Variants in PCDHB5 observed in about 807,000 individuals in gnomAD.
PCDHB5 encodes protocadherin beta-5.
For synonymous variants in PCDHB5, 569 were observed against 462.2 expected (o/e 1.23, Z -2.96); for missense variants, 1,125 against 1,029.4 (o/e 1.09, Z -1.27).
chr5:141,136,466 T>C lies in PCDHB5; in HGVS notation c.1032T>C (p.Pro344=), dbSNP rs141711525. 6.2e-5 allele frequency: 100 copies of C among 1,613,904 alleles called. No individual in the cohort carries two copies. In the African/African-American group the frequency reaches 1.1e-3, roughly 17 times the overall value. ...TGGTGGATGTGAATGACAACGCCCC[T>C]GAACTCACCATGTCTACGCTCTCCA... The part of the protein sequence containing the change: ...IEVVDVNDNA[P]ELTMSTLSSP... The change falls in exon 1 of 1, where the codon CCT becomes CCC. Residue 344 remains proline, a synonymous_variant. Coordinates refer to ENST00000231134, the MANE Select transcript of PCDHB5 (RefSeq NM_015669.5).
chr5:141,135,948 A>T lies in PCDHB5; in HGVS notation c.514A>T (p.Ile172Phe). 6.2e-7 allele frequency: 1 copy of T among 1,614,186 alleles called. No homozygotes were observed. The highest frequency in any genetic ancestry group is 1.3e-5 in the African/African-American group (1 of 75,042). ...IGSNTVQNYT[I>F]SPNSHFHVAT... ...TAGCAACACTGTTCAGAACTACACA[A>T]TCAGCCCAAATTCACACTTTCATGT... Residue 172 changes from isoleucine (I) to phenylalanine (F), a missense_variant, in exon 1 of 1, where the codon ATC becomes TTC. Transcript: ENST00000231134.
chr5:141,136,185 G>C lies in PCDHB5; in HGVS notation c.751G>C (p.Val251Leu). The C allele has an allele frequency of 6.2e-7, 1 of 1,614,082 alleles. No individual in the cohort carries two copies. Among genetic ancestry groups the C allele is most frequent in the Non-Finnish European group, 8.5e-7 (1 of 1,180,010 alleles). ...TTTACAATCATTCTATGAGGTACAG[G>C]TGCCCGAGAACAGCCCCCTTAACTC... ...EFLQSFYEVQ[V>L]PENSPLNSLV... The change falls in exon 1 of 1, where the codon GTG becomes CTG. Residue 251 changes from valine (V) to leucine (L), a missense_variant. Coordinates refer to ENST00000231134, the MANE Select transcript of PCDHB5 (RefSeq NM_015669.5).
Position 141,135,773 on chromosome 5 carries a change from A to G in PCDHB5, c.339A>G (p.Pro113=). ...ATTTCCAGCTCTTACTAGAAAATCC[A>G]GTGCAGTTTTTTCAAACTGATCTGC... is the stretch of plus-strand genomic sequence containing the variant. ...ILHFQLLLEN[P]VQFFQTDLQL... Residue 113 remains proline (P), a synonymous_variant, in exon 1 of 1, where the codon CCA becomes CCG. Coordinates refer to ENST00000231134, the MANE Select transcript of PCDHB5 (RefSeq NM_015669.5). The G allele has an allele frequency of 6.2e-7, 1 of 1,614,054 alleles. No individual in the cohort carries two copies. Among genetic ancestry groups the G allele is most frequent in the East Asian group, 2.2e-5 (1 of 44,878 alleles).
rs544264672 is a variant in PCDHB5 at position 141,138,058 on chromosome 5, T to A, written c.*236T>A. 487 of 462,438 alleles carry A rather than the reference T, an allele frequency of 1.1e-3. 3 individuals carry two copies. Among genetic ancestry groups the A allele is most frequent in the African/African-American group, 9.0e-3 (447 of 49,918 alleles). 28.6% of individuals were successfully genotyped at this position (462,438 alleles called of 1,614,324 possible). ...TGCATGCTGTTGATTTTCCTGAGAT[T>A]TTTTTCTCTTCTTGTTGGTATTTGT... is the stretch of plus-strand genomic sequence containing the variant. On this transcript the variant is annotated 3_prime_UTR_variant, in exon 1 of 1. Transcript: ENST00000231134.
chr5:141,135,322 C>T lies in PCDHB5; in HGVS notation c.-113C>T, dbSNP rs1752542107. On this transcript the variant is annotated 5_prime_UTR_variant, in exon 1 of 1. Coordinates refer to ENST00000231134, the MANE Select transcript of PCDHB5 (RefSeq NM_015669.5). ...CTAGTGGCTAGATCTTCAGGGTGGGCTTCGTTCTTGTGGAAATCAGTCAAG... is the reference window on the plus strand; with the variant it reads ...CTAGTGGCTAGATCTTCAGGGTGGGTTTCGTTCTTGTGGAAATCAGTCAAG... 1 of 757,978 alleles carries T rather than the reference C, an allele frequency of 1.3e-6. No individual in the cohort carries two copies. Among genetic ancestry groups the T allele is most frequent in the Non-Finnish European group, 2.2e-6 (1 of 464,960 alleles). The allele number at this position is 757,978 out of a possible 1,614,324, so 47.0% of individuals were successfully genotyped here.
Position 141,136,016 on chromosome 5 carries a change from G to A in PCDHB5, c.582G>A (p.Leu194=). 1 of 1,614,154 alleles carries A rather than the reference G, an allele frequency of 6.2e-7. No individual in the cohort carries two copies. The change falls in exon 1 of 1, where the codon CTG becomes CTA. Residue 194 remains leucine (L), a synonymous_variant. Transcript: ENST00000231134. The stretch of plus-strand genomic sequence containing the variant: ...GAGATGGCAGAAAATACCCAGAGCT[G>A]GTGCTGGACAAAGCGCTGGACCGGG... The part of the protein sequence containing the change: ...NRGDGRKYPE[L]VLDKALDREE...
rs1554275943 is a variant in PCDHB5 at position 141,136,588 on chromosome 5, A to G, written c.1154A>G (p.Gln385Arg). Residue 385 changes from glutamine (Q) to arginine (R), a missense_variant, in exon 1 of 1, where the codon CAG becomes CGG. Transcript: ENST00000231134. ...GDNGRMICSI[Q>R]NDLPFLLKPT... ...AACGGTAGGATGATTTGCTCCATCC[A>G]GAATGATCTCCCCTTTCTTTTGAAG... 2 of 1,614,058 alleles carry G rather than the reference A, an allele frequency of 1.2e-6. No individual in the cohort carries two copies. Among genetic ancestry groups the G allele is most frequent in the African/African-American group, 1.3e-5 (1 of 74,926 alleles).
Position 141,135,707 on chromosome 5 carries a change from C to G in PCDHB5, c.273C>G (p.Asp91Glu). Reference sequence around the variant, plus strand: ...ATTTGCTTCTATATGAAAAACTAGACCGGGAGGTGATGTGCGGGGCGACAG... The same window carrying G: ...ATTTGCTTCTATATGAAAAACTAGAGCGGGAGGTGATGTGCGGGGCGACAG... ...TGNLLLYEKL[D>E]REVMCGATEP... The change falls in exon 1 of 1, where the codon GAC (aspartate) becomes GAG (glutamate). Residue 91 changes from aspartate (D) to glutamate (E), a missense_variant. Physicochemically the swap from Asp to Glu is conservative, Grantham distance 45 (BLOSUM62 2). Transcript: ENST00000231134. 1 of 1,614,062 alleles carries G rather than the reference C, an allele frequency of 6.2e-7. No homozygotes were observed. The highest frequency in any genetic ancestry group is 1.1e-5 in the South Asian group (1 of 91,062).
Position 141,136,668 on chromosome 5 carries a change from A to G in PCDHB5, c.1234A>G (p.Ser412Gly). The change falls in exon 1 of 1, where the codon AGC becomes GGC. Residue 412 changes from serine to glycine, a missense_variant. Transcript: ENST00000231134. ...GACACAGAGAACACTGGACAGAGAG[A>G]GCCAAGCCGAGTACAACATCACCAT... ...LVTQRTLDRE[S>G]QAEYNITITV... The G allele has an allele frequency of 1.2e-6, 2 of 1,614,132 alleles. No homozygotes were observed. Among genetic ancestry groups the G allele is most frequent in the East Asian group, 4.5e-5 (2 of 44,884 alleles).
Position 141,135,738 on chromosome 5 carries a change from T to C in PCDHB5, c.304T>C (p.Cys102Arg), listed in dbSNP as rs1752554536. ...REVMCGATEP[C>R]ILHFQLLLEN... ...GGTGATGTGCGGGGCGACAGAACCC[T>C]GTATATTGCATTTCCAGCTCTTACT... is the stretch of plus-strand genomic sequence containing the variant. The change falls in exon 1 of 1, where the codon TGT becomes CGT. Residue 102 changes from cysteine (C) to arginine (R), a missense_variant. By Grantham distance (180) the Cys-to-Arg change is radical. Transcript: ENST00000231134. The C allele has an allele frequency of 6.2e-7, 1 of 1,614,124 alleles. No homozygotes were observed. The highest frequency in any genetic ancestry group is 8.5e-7 in the Non-Finnish European group (1 of 1,180,000).
rs782815134 is a variant in PCDHB5 at position 141,136,174 on chromosome 5, A to G, written c.740A>G (p.Tyr247Cys). ...GCCCCCGAATTTTTACAATCATTCT[A>G]TGAGGTACAGGTGCCCGAGAACAGC... The part of the protein sequence containing the change: ...DNAPEFLQSF[Y>C]EVQVPENSPL... The change falls in exon 1 of 1, where the codon TAT becomes TGT. Residue 247 changes from tyrosine to cysteine, a missense_variant. Tyr to Cys is a radical substitution (Grantham distance 194). Coordinates refer to ENST00000231134, the MANE Select transcript of PCDHB5 (RefSeq NM_015669.5). The G allele has an allele frequency of 4.3e-6, 7 of 1,614,090 alleles. No homozygotes were observed. Among genetic ancestry groups the G allele is most frequent in the Non-Finnish European group, 2.5e-6 (3 of 1,180,010 alleles).
In PCDHB5 at chr5:141,135,379, C is replaced by A; in HGVS notation, c.-56C>A. On this transcript the variant is annotated 5_prime_UTR_variant, in exon 1 of 1. Transcript: ENST00000231134. ...CGGATTCGCGGTTATTTATGCAAAT[C>A]ATCTGGGTGGATTGTGTACGGAGTT... 1 of 1,226,568 alleles carries A rather than the reference C, an allele frequency of 8.2e-7. No individual in the cohort carries two copies. Among genetic ancestry groups the A allele is most frequent in the South Asian group, 1.5e-5 (1 of 68,444 alleles). 76.0% of individuals were successfully genotyped at this position (1,226,568 alleles called of 1,614,324 possible). A position where few individuals can be genotyped will look rare whatever the true frequency, so the allele number is the denominator to read the frequency against.
Position 141,137,164 on chromosome 5 carries a change from G to A in PCDHB5, c.1730G>A (p.Arg577Gln). ...GSAPCTELVP[R>Q]AAEPGYLVTK... The stretch of plus-strand genomic sequence containing the variant: ...GCGCCTTGCACCGAGCTGGTGCCCC[G>A]GGCGGCCGAGCCGGGCTACCTGGTG... Residue 577 changes from arginine to glutamine, a missense_variant, in exon 1 of 1, where the codon CGG becomes CAG. Transcript: ENST00000231134. The A allele has an allele frequency of 6.2e-7, 1 of 1,610,648 alleles. No individual in the cohort carries two copies. The highest frequency in any genetic ancestry group is 1.1e-5 in the South Asian group (1 of 90,958).
Position 141,137,643 on chromosome 5 carries a change from G to T in PCDHB5, c.2209G>T (p.Asp737Tyr). 1 of 1,614,094 alleles carries T rather than the reference G, an allele frequency of 6.2e-7. No individual in the cohort carries two copies. The highest frequency in any genetic ancestry group is 8.5e-7 in the Non-Finnish European group (1 of 1,180,044). Reference sequence around the variant, plus strand: ...GGGCCCCTTTCCAGGGCATCTGGTGGACGTGAGCGGCACCGGGACCCTATC... The same window carrying T: ...GGGCCCCTTTCCAGGGCATCTGGTGTACGTGAGCGGCACCGGGACCCTATC... The part of the protein sequence containing the change: ...PEGPFPGHLV[D>Y]VSGTGTLSQS... Residue 737 changes from aspartate to tyrosine, a missense_variant, in exon 1 of 1, where the codon GAC becomes TAC. Coordinates refer to ENST00000231134, the MANE Select transcript of PCDHB5 (RefSeq NM_015669.5).
chr5:141,135,565 C>A lies in PCDHB5; in HGVS notation c.131C>A (p.Ser44Tyr). 3 of 1,614,174 alleles carry A rather than the reference C, an allele frequency of 1.9e-6. No individual in the cohort carries two copies. Among genetic ancestry groups the A allele is most frequent in the Non-Finnish European group, 2.5e-6 (3 of 1,180,030 alleles). Reference sequence around the variant, plus strand: ...CCAGAAGAAACAGAAAGTGGCTATTCTGTGGCCAACCTGGCAAAAGACCTG... The same window carrying A: ...CCAGAAGAAACAGAAAGTGGCTATTATGTGGCCAACCTGGCAAAAGACCTG... Reference protein sequence around the residue: ...SIPEETESGYSVANLAKDLGL... With the variant: ...SIPEETESGYYVANLAKDLGL... Residue 44 changes from serine (S) to tyrosine (Y), a missense_variant, in exon 1 of 1, where the codon TCT becomes TAT. By Grantham distance (144) the Ser-to-Tyr change is moderately radical. Coordinates refer to ENST00000231134, the MANE Select transcript of PCDHB5 (RefSeq NM_015669.5).
chr5:141,135,326 G>C lies in PCDHB5; in HGVS notation c.-109G>C, dbSNP rs1554275660. ...TGGCTAGATCTTCAGGGTGGGCTTC[G>C]TTCTTGTGGAAATCAGTCAAGAAAG... On this transcript the variant is annotated 5_prime_UTR_variant, in exon 1 of 1. Transcript: ENST00000231134. 1.3e-6 allele frequency: 1 copy of C among 796,422 alleles called. No individual in the cohort carries two copies. The highest frequency in any genetic ancestry group is 1.7e-5 in the African/African-American group (1 of 58,104). 49.3% of individuals were successfully genotyped at this position (796,422 alleles called of 1,614,324 possible). A position where few individuals can be genotyped will look rare whatever the true frequency, so the allele number is the denominator to read the frequency against.
Position 141,136,614 on chromosome 5 carries a change from C to T in PCDHB5, c.1180C>T (p.Pro394Ser). The change falls in exon 1 of 1, where the codon CCC (proline) becomes TCC (serine). Residue 394 changes from proline to serine, a missense_variant. Pro to Ser is a moderately conservative substitution (Grantham distance 74). Transcript: ENST00000231134. ...IQNDLPFLLK[P>S]TLKNFYTLVT... ...GAATGATCTCCCCTTTCTTTTGAAG[C>T]CCACATTAAAAAACTTTTACACCCT... 2 of 1,614,082 alleles carry T rather than the reference C, an allele frequency of 1.2e-6. No individual in the cohort carries two copies. Among genetic ancestry groups the T allele is most frequent in the Non-Finnish European group, 1.7e-6 (2 of 1,180,016 alleles).
rs782536140 is a variant in PCDHB5, at chr5:141,136,913, GA to G, written c.1481del (p.Asn494ThrfsTer47). On this transcript the variant is annotated frameshift_variant, in exon 1 of 1. Coordinates refer to ENST00000231134, the MANE Select transcript of PCDHB5 (RefSeq NM_015669.5). LOFTEE classifies it low-confidence loss of function (END_TRUNC). The part of the protein sequence containing the change: ...QVTYSLLPPQ[N>X]PHLRLASLVS... ...TCACCTACTCGCTGCTGCCGCCCCAGAACCCACACCTGCGCCTCGCCTCCCT... is the reference window on the plus strand; with the variant it reads ...TCACCTACTCGCTGCTGCCGCCCCAGACCCACACCTGCGCCTCGCCTCCCT... The G allele has an allele frequency of 6.2e-7, 1 of 1,612,648 alleles. No individual in the cohort carries two copies. Among genetic ancestry groups the G allele is most frequent in the Non-Finnish European group, 8.5e-7 (1 of 1,180,032 alleles).
In PCDHB5 at chr5:141,137,831, T is replaced by G. The variant is rs782424255; in HGVS notation, c.*9T>G. 2 of 1,564,026 alleles carry G rather than the reference T, an allele frequency of 1.3e-6. No individual in the cohort carries two copies. The highest frequency in any genetic ancestry group is 1.2e-5 in the South Asian group (1 of 83,914). ...GCTTTGGATTAAATTAGAGATCTCG[T>G]GATGACGCGTTGTTTTCTGCCATTT... On this transcript the variant is annotated 3_prime_UTR_variant, in exon 1 of 1. Coordinates refer to ENST00000231134, the MANE Select transcript of PCDHB5 (RefSeq NM_015669.5).
Sources: allele counts gnomAD v4.1 joint callset, GRCh38; gene constraint gnomAD v4.1.1; transcripts MANE v1.5; gene names NCBI Gene and HGNC (gene_info 2026-07-23, HGNC 2026-07-21).